Variants in TLN2 observed in about 807,000 individuals in gnomAD.
TLN2 encodes the protein talin 2.
A neutral mutation model predicts 294.7 loss-of-function variants in TLN2; 118 were observed. The ratio of observed to expected loss-of-function variants is 0.40; its 90% CI spans 0.34 to 0.47. The LOEUF is 0.47. TLN2 is among the 20% of genes least tolerant of loss of function. TLN2 has a pLI of 0.84. For synonymous variants in TLN2, 1,431 were observed against 1,304.5 expected (o/e 1.10, Z -2.09); for missense variants, 3,083 against 3,282.2 (o/e 0.94, Z 1.48).
intron 33 of TLN2, among the ~76,000 whole-genome samples, chr15:62,750,177 T>C (rs1303658862): frequency 8.5e-5 from 13 of 152,250 alleles, no homozygotes; most frequent in African/African-American, 2.7e-4. Context: ...GATTCTCATC[T>C]CTGGCCAAGC....
At chr15:62,827,369 C>G (rs1567692177) in intron 54 of TLN2, among the ~76,000 whole-genome samples, 1 of 152,092 alleles carries the variant, frequency 6.6e-6, no homozygotes, top group Non-Finnish European at 1.5e-5. Flanking sequence ...AAAGGTAGTT[C>G]CTGCTTATTT....
At chr15:62,495,593 T>G (rs1018561118) in intron 1 of TLN2, among the ~76,000 whole-genome samples, 3 of 152,214 alleles carry the variant, frequency 2.0e-5, no homozygotes, top group Admixed American at 6.5e-5. Context: ...GCTGAACACA[T>G]GGAACAGAAT....
At chr15:62,405,126 C>T (rs1429864805) in intron 1 of TLN2, among the ~76,000 whole-genome samples, 3 of 152,176 alleles carry the variant, frequency 2.0e-5, no homozygotes, top group African/African-American at 7.2e-5. Flanking sequence ...GGCACCAGAA[C>T]CCTGCTTCCT....
rs71718001 is a variant in TLN2 at position 62,565,910 on chromosome 15, C to CTGTGTG, written c.-237-23751_-237-23746dup. Among the ~76,000 whole-genome samples the CTGTGTG allele has an allele frequency of 3.9e-3, 581 of 148,486 alleles. 3 individuals carry two copies. Among genetic ancestry groups the CTGTGTG allele is most frequent in the African/African-American group, 0.013 (533 of 40,404 alleles). On this transcript the variant is annotated intron_variant, in intron 1 of 58. Transcript: ENST00000636159. ...GTTGGATGGCTCTACTGTTTACTAG[C>CTGTGTG]TGTGTGTGTGTGTGTGTGTGTGTGT...
chr15:62,676,201 C>T (rs947905468), intron 11 of TLN2, among the ~76,000 whole-genome samples: 1 of 152,190 alleles, frequency 6.6e-6, no homozygotes, highest in African/African-American at 2.4e-5. Context: ...ACGTTGTCCT[C>T]TAAGATGTTT....
At chr15:62,667,412 TCCA>T in intron 9 of TLN2, among the ~76,000 whole-genome samples, 1 of 152,200 alleles carries the variant, frequency 6.6e-6, no homozygotes, top group Non-Finnish European at 1.5e-5. Flanking sequence ...TCCTGGGTGT[TCCA>T]GCATCCTTTG....
rs531314705 is a variant in TLN2, at chr15:62,708,486, T to G, written c.2173-16T>G. On this transcript the variant is annotated splice_polypyrimidine_tract_variant and intron_variant, in intron 20 of 58. Coordinates refer to ENST00000636159, the MANE Select transcript of TLN2 (RefSeq NM_015059.3). ...TTCAACCACAGTGCCCAAAACCTGT[T>G]CCTGTCTCACTTCAGGTTGTGAGCC... The G allele has an allele frequency of 6.2e-7, 1 of 1,609,204 alleles. No homozygotes were observed. The highest frequency in any genetic ancestry group is 2.2e-5 in the East Asian group (1 of 44,708).
intron 1 of TLN2, among the ~76,000 whole-genome samples, chr15:62,512,054 A>T (rs141439052): frequency 1.3e-5 from 2 of 152,078 alleles, no homozygotes; most frequent in Admixed American, 1.3e-4. Flanking sequence ...TCCAGCACTT[A>T]CTTCTTCAGT....
intron 2 of TLN2, among the ~76,000 whole-genome samples, chr15:62,595,663 G>T (rs757446674): frequency 6.6e-6 from 1 of 152,156 alleles, no homozygotes; most frequent in Non-Finnish European, 1.5e-5. Context: ...ATCAACATAA[G>T]TGTCCATCAT....
At chr15:62,513,654 T>C (rs1567046832) in intron 1 of TLN2, among the ~76,000 whole-genome samples, 1 of 152,168 alleles carries the variant, frequency 6.6e-6, no homozygotes, top group Admixed American at 6.5e-5. Context: ...ATAGTGATGA[T>C]GAAAAATGAG....
At chr15:62,464,234 T>C (rs1185488709) in intron 1 of TLN2, among the ~76,000 whole-genome samples, 1 of 152,184 alleles carries the variant, frequency 6.6e-6, no homozygotes, top group Non-Finnish European at 1.5e-5. Flanking sequence ...CATGGAATAC[T>C]ATGCAGCCAT....
chr15:62,813,909 G>A (rs957266173), intron 52 of TLN2, among the ~76,000 whole-genome samples: 7 of 151,964 alleles, frequency 4.6e-5, no homozygotes, highest in Non-Finnish European at 7.4e-5. Flanking sequence ...CCGCCTCCCG[G>A]GTTCAAATGA....
At chr15:62,679,454 T>TCG (rs2056594018) in intron 11 of TLN2, among the ~76,000 whole-genome samples, 1 of 152,186 alleles carries the variant, frequency 6.6e-6, no homozygotes, top group South Asian at 2.1e-4. Flanking sequence ...GAAGTACCGA[T>TCG]ATATGCTACA....
At chr15:62,552,294 A>T (rs532628261) in intron 1 of TLN2, among the ~76,000 whole-genome samples, 40 of 152,320 alleles carry the variant, frequency 2.6e-4, no homozygotes, top group African/African-American at 9.4e-4. Context: ...TGACTATTAA[A>T]TACATACAGT....
intron 2 of TLN2, among the ~76,000 whole-genome samples, chr15:62,616,025 A>T (rs1366457619): frequency 1.3e-5 from 2 of 152,188 alleles, no homozygotes; most frequent in African/African-American, 4.8e-5. Flanking sequence ...ACAGTTTTGT[A>T]TCATGATACT....
intron 1 of TLN2, among the ~76,000 whole-genome samples, chr15:62,532,431 T>C (rs1220646085): frequency 2.0e-5 from 3 of 152,082 alleles, no homozygotes; most frequent in Non-Finnish European, 4.4e-5. Flanking sequence ...TGAAAGTTCA[T>C]GAACTTTCAT....
At chr15:62,801,305 C>G (rs945832719) in intron 50 of TLN2, among the ~76,000 whole-genome samples, 16 of 152,160 alleles carry the variant, frequency 1.1e-4, no homozygotes, top group African/African-American at 3.9e-4. Flanking sequence ...CTGACTTGTT[C>G]CAGCATTGCA....
chr15:62,452,677 A>T (rs762875106), intron 1 of TLN2, among the ~76,000 whole-genome samples: 1 of 152,214 alleles, frequency 6.6e-6, no homozygotes, highest in Non-Finnish European at 1.5e-5. Flanking sequence ...TACCTCAATC[A>T]GTGGAATCAT....
chr15:62,419,493 G>A (rs573577278), intron 1 of TLN2, among the ~76,000 whole-genome samples: 2 of 152,306 alleles, frequency 1.3e-5, no homozygotes, highest in South Asian at 4.1e-4. Flanking sequence ...CTACAAATAG[G>A]AACTATTGGA....
Sources: allele counts gnomAD v4.1 joint callset (sites outside exome capture counted in the v4.1 genomes callset), GRCh38; gene constraint gnomAD v4.1.1; transcripts MANE v1.5; gene names NCBI Gene and HGNC (gene_info 2026-07-23, HGNC 2026-07-21).